Variants in NBAS observed in about 807,000 individuals in gnomAD.
NBAS encodes the protein NBAS subunit of NRZ tethering complex, also known as NAG/BC035112 fusion.
Under a neutral mutation model 302.5 loss-of-function variants are expected in NBAS, and 219 were observed. The observed-to-expected ratio is 0.72, with a 90% CI of 0.65 to 0.81. NBAS has a LOEUF of 0.81. NBAS is among the 30% of genes least tolerant of loss of function. NBAS has a pLI of 0.00. For missense variants in NBAS, 2,932 were observed against 2,841.6 expected, an observed-to-expected ratio of 1.03 and a Z score of -0.72; for synonymous variants, 1,118 against 1,021.6, an observed-to-expected ratio of 1.09 and a Z score of -1.80.
chr2:15,219,213 A>C (rs1666804142), intron 47 of NBAS, among the ~76,000 whole-genome samples: 1 of 152,180 alleles, frequency 6.6e-6, no homozygotes, highest in Non-Finnish European at 1.5e-5. Flanking sequence ...AAAGCAGATA[A>C]ACATCCTTGG....
At chr2:14,844,697 A>C in the NBAS span, among the ~76,000 whole-genome samples, 2 of 152,172 alleles carry the variant, frequency 1.3e-5, no homozygotes, top group Non-Finnish European at 2.9e-5. Context: ...GGCCCAGACC[A>C]GGCAGCATTC....
At chr2:14,857,050 T>C in the NBAS span, among the ~76,000 whole-genome samples, 1 of 152,072 alleles carries the variant, frequency 6.6e-6, no homozygotes, top group African/African-American at 2.4e-5. Context: ...ATTAAAAAGG[T>C]AGTACCATGT....
rs191824691 is a variant in NBAS at position 15,295,077 on chromosome 2, T to G, written c.4798-2311A>C. 6.5e-3 allele frequency among the ~76,000 whole-genome samples: 996 copies of G among 152,366 alleles called. 8 individuals carry two copies. Among genetic ancestry groups the G allele is most frequent in the Non-Finnish European group, 0.011 (741 of 68,042 alleles). On this transcript the variant is annotated intron_variant, in intron 40 of 51. Coordinates refer to ENST00000281513, the MANE Select transcript of NBAS (RefSeq NM_015909.4). ...GTTTTCTTCCACATTCATTTTTGACTTTTTATTATCTCCAAGATTTAATAC... is the reference window on the plus strand; with the variant it reads ...GTTTTCTTCCACATTCATTTTTGACGTTTTATTATCTCCAAGATTTAATAC...
the NBAS span, among the ~76,000 whole-genome samples, chr2:14,944,346 C>T: frequency 5.9e-3 from 900 of 152,206 alleles, 14 homozygotes; most frequent in African/African-American, 0.021. Flanking sequence ...AACTGCTAAT[C>T]CCTGCTATGA....
intron 27 of NBAS, among the ~76,000 whole-genome samples, chr2:15,395,760 T>G (rs948908530): frequency 2.0e-5 from 3 of 152,050 alleles, no homozygotes; most frequent in Admixed American, 2.0e-4. Flanking sequence ...TCTTAAAATT[T>G]TACTTTTAAT....
At chr2:15,491,507 C>T (rs111617414) in intron 11 of NBAS, among the ~76,000 whole-genome samples, 7 of 152,252 alleles carry the variant, frequency 4.6e-5, no homozygotes, top group African/African-American at 1.4e-4. Context: ...GAGGCCGAGG[C>T]GGGCACATCA....
the NBAS span, among the ~76,000 whole-genome samples, chr2:15,066,634 C>T: frequency 6.6e-6 from 1 of 152,076 alleles, no homozygotes; most frequent in East Asian, 1.9e-4. Context: ...CAGGGAAATG[C>T]AAATCAAAAC....
chr2:15,206,218 A>C (rs1044518405), intron 48 of NBAS, among the ~76,000 whole-genome samples: 1 of 152,228 alleles, frequency 6.6e-6, no homozygotes, highest in Non-Finnish European at 1.5e-5. Context: ...GCTATGCTTT[A>C]GAGATCTGTG....
chr2:14,779,926 ACT>A, the NBAS span, among the ~76,000 whole-genome samples: 1 of 151,970 alleles, frequency 6.6e-6, no homozygotes, highest in East Asian at 1.9e-4. Context: ...TACATATATA[ACT>A]CTCACATGAC....
At chr2:15,350,014 T>C (rs188291297) in intron 35 of NBAS, among the ~76,000 whole-genome samples, 495 of 152,200 alleles carry the variant, frequency 3.3e-3, no homozygotes, top group Middle Eastern at 6.8e-3. Flanking sequence ...AAAGTAACAT[T>C]ACAACCCTCT....
chr2:15,447,394 T>C (rs1394257287), intron 21 of NBAS, among the ~76,000 whole-genome samples: 1 of 152,210 alleles, frequency 6.6e-6, no homozygotes, highest in African/African-American at 2.4e-5. Context: ...CAGTTCTTTA[T>C]GTTTTCCCAG....
At chr2:15,293,602 T>C (rs1449023036) in intron 40 of NBAS, among the ~76,000 whole-genome samples, 1 of 151,432 alleles carries the variant, frequency 6.6e-6, no homozygotes, top group African/African-American at 2.4e-5. Context: ...ATTCAATCCA[T>C]CCCAATTCCT....
intron 32 of NBAS, among the ~76,000 whole-genome samples, chr2:15,365,969 A>T (rs1674178177): frequency 6.6e-6 from 1 of 152,218 alleles, no homozygotes; most frequent in South Asian, 2.1e-4. Context: ...CTTAAAAGCC[A>T]AAGCCTGCTA....
the NBAS span, among the ~76,000 whole-genome samples, chr2:14,945,957 T>TGTAATCC: frequency 6.6e-6 from 1 of 152,180 alleles, no homozygotes; most frequent in Non-Finnish European, 1.5e-5. Context: ...GGCACGTGCC[T>TGTAATCC]GTAATCCCAG....
intron 44 of NBAS, among the ~76,000 whole-genome samples, chr2:15,243,447 AG>A (rs1386288383): frequency 6.6e-6 from 1 of 152,110 alleles, no homozygotes; most frequent in African/African-American, 2.4e-5. Flanking sequence ...GCCCCTTTGC[AG>A]TCTTTTATCG....
chr2:15,408,032 T>C (rs1468820643), intron 25 of NBAS, among the ~76,000 whole-genome samples: 1 of 152,180 alleles, frequency 6.6e-6, no homozygotes, highest in East Asian at 1.9e-4. Flanking sequence ...GCCAGAAAGA[T>C]CTGCTACCTT....
the NBAS span, among the ~76,000 whole-genome samples, chr2:15,112,652 T>C: frequency 6.6e-6 from 1 of 152,188 alleles, no homozygotes; most frequent in African/African-American, 2.4e-5. Context: ...AAGTTAATTA[T>C]AAGGGTAAGA....
Position 15,379,617 on chromosome 2 carries a change from C to A in NBAS, c.3575G>T (p.Cys1192Phe). The A allele has an allele frequency of 6.2e-7, 1 of 1,613,838 alleles. No individual in the cohort carries two copies. The highest frequency in any genetic ancestry group is 8.5e-7 in the Non-Finnish European group (1 of 1,179,908). Residue 1192 changes from cysteine (C) to phenylalanine (F), a missense_variant, in exon 30 of 52, where the codon TGC becomes TTC. Coordinates refer to ENST00000281513, the MANE Select transcript of NBAS (RefSeq NM_015909.4). ...FNSSTNLTDS[C>F]MDLARCCLQL... ...GTTATTCTACCTGGCTAGATCCATG[C>A]AGCTATCAGTGAGGTTGGTAGAAGA...
At chr2:15,087,540 G>A in the NBAS span, among the ~76,000 whole-genome samples, 7 of 152,150 alleles carry the variant, frequency 4.6e-5, no homozygotes, top group Admixed American at 1.3e-4. Context: ...TTTTCTCCAG[G>A]GCAGAGGAAG....
Sources: gnomAD v4.1 joint callset for allele counts (sites outside exome capture counted in the v4.1 genomes callset) on GRCh38, gnomAD v4.1.1 for gene constraint, MANE v1.5 for transcripts, NCBI Gene and HGNC (gene_info 2026-07-23, HGNC 2026-07-21) for gene names.